Variants in KCTD14 observed in about 807,000 individuals in gnomAD.
KCTD14 encodes the protein potassium channel tetramerization domain containing 14, also known as BTB/POZ domain-containing protein KCTD14.
A neutral mutation model predicts 5.9 loss-of-function variants in KCTD14; 7 were observed. That is an observed-to-expected ratio of 1.19 (90% CI 0.68 to 2.23). The LOEUF is 2.23. Ranked by LOEUF, KCTD14 falls within the 30% of genes most tolerant of loss-of-function variation. The pLI, the probability that KCTD14 is intolerant of heterozygous loss-of-function variation, is 0.00. For missense variants in KCTD14, 342 were observed against 332.2 expected (o/e 1.03, Z -0.23); for synonymous variants, 140 against 133.1 (o/e 1.05, Z -0.36).
In KCTD14 at chr11:78,017,000, G is replaced by C. The variant is rs1269736077; in HGVS notation, c.361C>G (p.Leu121Val). The C allele has an allele frequency of 1.2e-6, 2 of 1,614,110 alleles. No homozygotes were observed. Among genetic ancestry groups the C allele is most frequent in the East Asian group, 4.5e-5 (2 of 44,894 alleles). Residue 121 changes from leucine (L) to valine (V), a missense_variant, in exon 2 of 2, where the codon CTG becomes GTG. By Grantham distance (32) the Leu-to-Val change is conservative (BLOSUM62 1). Coordinates refer to ENST00000353172, the MANE Select transcript of KCTD14 (RefSeq NM_023930.4). ...AAGATCTGTGGCATGTCCTCCAGCA[G>C]CTTGACCAAAGGCTTGATTTCGTAG... ...QFYEIKPLVKLLEDMPQIFGE... is the reference protein window; with the variant it reads ...QFYEIKPLVKVLEDMPQIFGE...
At chr11:78,028,463 C>A (rs7119406) in intron 2 of KCTD14, among the ~76,000 whole-genome samples, 13,528 of 151,990 alleles carry the variant, frequency 0.089, 1,934 homozygotes, top group African/African-American at 0.31. Flanking sequence ...ATTAGCCGGG[C>A]ATGGTGGCAT....
chr11:78,044,701 G>T (rs919534389), intron 1 of KCTD14, among the ~76,000 whole-genome samples: 1 of 152,178 alleles, frequency 6.6e-6, no homozygotes, highest in Non-Finnish European at 1.5e-5. Context: ...ATAAGGCAGA[G>T]GGAGTGACCA....
intron 1 of KCTD14, among the ~76,000 whole-genome samples, chr11:78,040,940 G>A (rs1224120617): frequency 2.6e-5 from 4 of 152,194 alleles, no homozygotes; most frequent in East Asian, 1.9e-4. Flanking sequence ...GAAGTGCTGG[G>A]ATTATAGGTG....
chr11:78,039,913 T>C (rs1857943617), intron 1 of KCTD14, among the ~76,000 whole-genome samples: 3 of 152,194 alleles, frequency 2.0e-5, no homozygotes, highest in Admixed American at 2.0e-4. Flanking sequence ...CTCTCCTTCC[T>C]TCTGTATTTT....
At chr11:78,037,450 T>A (rs1312382343) in intron 2 of KCTD14, among the ~76,000 whole-genome samples, 1 of 152,224 alleles carries the variant, frequency 6.6e-6, no homozygotes, top group Non-Finnish European at 1.5e-5. Flanking sequence ...GGTGCACTCC[T>A]GAGCCCTGTG....
intron 1 of KCTD14, among the ~76,000 whole-genome samples, chr11:78,045,373 T>C (rs1270269848): frequency 6.6e-6 from 1 of 152,134 alleles, no homozygotes; most frequent in Non-Finnish European, 1.5e-5. Context: ...AAAGTACCAG[T>C]CTTAGGTTCT....
chr11:78,019,999 T>C (rs1857269663), intron 1 of KCTD14, among the ~76,000 whole-genome samples: 1 of 152,198 alleles, frequency 6.6e-6, no homozygotes, highest in South Asian at 2.1e-4. Context: ...GTTGGGCCTA[T>C]TACATGCAAA....
upstream of KCTD14, among the ~76,000 whole-genome samples, chr11:78,025,616 AGCATT>A (rs983010126): frequency 1.3e-5 from 2 of 152,184 alleles, no homozygotes; most frequent in African/African-American, 4.8e-5. Context: ...AGGCCTAACT[AGCATT>A]GTCTAGCCAG....
rs750171746 is a variant in KCTD14, at chr11:78,016,795, A to G, written c.566T>C (p.Leu189Pro). 9.9e-6 allele frequency: 16 copies of G among 1,614,162 alleles called. No individual in the cohort carries two copies. The South Asian group carries it at 1.5e-4, about 16-fold the overall frequency. The change falls in exon 2 of 2, where the codon CTG becomes CCG. Residue 189 changes from leucine to proline, a missense_variant. Leu to Pro is a moderately conservative substitution (Grantham distance 98). Transcript: ENST00000353172. Reference protein sequence around the residue: ...DAYYSEVLCFLQDKKMFKSVV... With the variant: ...DAYYSEVLCFPQDKKMFKSVV... ...AGACTTGAACATCTTCTTATCCTGC[A>G]GAAAACACAGGACCTCTGAATAATA...
chr11:78,024,209 A>AC (rs1290661308), upstream of KCTD14, among the ~76,000 whole-genome samples: 1 of 151,686 alleles, frequency 6.6e-6, no homozygotes, highest in East Asian at 1.9e-4. Context: ...AAATGGTGAA[A>AC]CCCCGTCTCT....
At chr11:78,027,149 T>G (rs1857490411), upstream of KCTD14, among the ~76,000 whole-genome samples, 7 of 151,920 alleles carry the variant, frequency 4.6e-5, no homozygotes, top group South Asian at 1.5e-3. Flanking sequence ...AGATACCAAT[T>G]AATACATGTA....
chr11:78,039,715 C>G (rs1857937336), intron 1 of KCTD14, among the ~76,000 whole-genome samples: 1 of 147,430 alleles, frequency 6.8e-6, no homozygotes, highest in African/African-American at 2.5e-5. Flanking sequence ...TGCAGTGAGC[C>G]AGTCTGGGAG....
At chr11:78,022,896 G>T (rs994785641) in intron 1 of KCTD14, 20 of 470,852 alleles carry the variant, frequency 4.2e-5, no homozygotes, top group African/African-American at 4.1e-4. Flanking sequence ...CAATGTAGAG[G>T]GAGGAAGCAA....
At chr11:78,026,367 C>T (rs985440765), upstream of KCTD14, among the ~76,000 whole-genome samples, 3 of 151,762 alleles carry the variant, frequency 2.0e-5, no homozygotes, top group South Asian at 2.1e-4. Flanking sequence ...CACTTGAACC[C>T]GGGAGGCAGA....
chr11:78,021,297 CAAAAAAA>C (rs531185817), intron 1 of KCTD14, among the ~76,000 whole-genome samples: 14 of 85,180 alleles, frequency 1.6e-4, no homozygotes, highest in East Asian at 8.7e-4. Context: ...GACCCTGTCT[CAAAAAAA>C]AAAAAAAAAA....
At chr11:78,031,332 G>A (rs1163039212) in intron 2 of KCTD14, among the ~76,000 whole-genome samples, 1 of 151,824 alleles carries the variant, frequency 6.6e-6, no homozygotes, top group Non-Finnish European at 1.5e-5. Flanking sequence ...ACAGGTGTGA[G>A]CCACCATACC....
chr11:78,031,653 G>T (rs756460504), intron 2 of KCTD14, among the ~76,000 whole-genome samples: 1 of 152,044 alleles, frequency 6.6e-6, no homozygotes, highest in African/African-American at 2.4e-5. Flanking sequence ...CTCTCAAAGT[G>T]CTGGGATTAT....
chr11:78,023,309 A>C, upstream of KCTD14: 1 of 1,553,826 alleles, frequency 6.4e-7, no homozygotes, highest in South Asian at 1.1e-5. Context: ...GGGAACACCG[A>C]GGCTCAAGGC....
chr11:78,033,651 C>T (rs1377078051), intron 2 of KCTD14, among the ~76,000 whole-genome samples: 3 of 148,384 alleles, frequency 2.0e-5, no homozygotes, highest in Admixed American at 1.4e-4. Flanking sequence ...CACTGTACTC[C>T]AGCCTGGGCA....
Sources: gnomAD v4.1 joint callset for allele counts (sites outside exome capture counted in the v4.1 genomes callset) on GRCh38, gnomAD v4.1.1 for gene constraint, MANE v1.5 for transcripts, NCBI Gene and HGNC (gene_info 2026-07-23, HGNC 2026-07-21) for gene names.